THSD4: variants seen among roughly 807,000 people sequenced by gnomAD.
THSD4 encodes thrombospondin type 1 domain containing 4.
Under a neutral mutation model 119.0 loss-of-function variants are expected in THSD4, and 69 were observed. That is an observed-to-expected ratio of 0.58 (90% CI 0.48 to 0.71). The LOEUF (loss-of-function observed/expected upper bound fraction) is 0.71, where lower values mean the gene tolerates loss of function less well. Among genes scored for constraint, THSD4 ranks in the 30% least tolerant of loss-of-function variants. The pLI is 0.00. For synonymous variants in THSD4, 524 were observed against 540.4 expected, an observed-to-expected ratio of 0.97 and a Z score of 0.42; for missense variants, 1,393 against 1,391.1, an observed-to-expected ratio of 1.00 and a Z score of -0.02.
In THSD4 at chr15:71,215,024, T is replaced by C; in HGVS notation, c.100-11T>C. 8.0e-7 allele frequency: 1 copy of C among 1,257,496 alleles called. No homozygotes were observed. 77.9% of individuals were successfully genotyped at this position (1,257,496 alleles called of 1,614,324 possible). A position where few individuals can be genotyped will look rare whatever the true frequency, so the allele number is the denominator to read the frequency against. Reference sequence around the variant, plus strand: ...GTGTTCTGGTCCCCTAACCTGCCTCTGTCTCCGCAGGTCCCGCAGCGGATG... The same window carrying C: ...GTGTTCTGGTCCCCTAACCTGCCTCCGTCTCCGCAGGTCCCGCAGCGGATG... On this transcript the variant is annotated splice_polypyrimidine_tract_variant and intron_variant, in intron 3 of 17. Transcript: ENST00000261862.
chr15:71,645,721 A>G (rs961036166), intron 7 of THSD4, among the ~76,000 whole-genome samples: 2 of 152,236 alleles, frequency 1.3e-5, no homozygotes, highest in Non-Finnish European at 2.9e-5. Flanking sequence ...TTGGTGCAAC[A>G]GAAAACAAAA....
chr15:71,553,963 C>T (rs566579461), intron 7 of THSD4, among the ~76,000 whole-genome samples: 1 of 151,934 alleles, frequency 6.6e-6, no homozygotes, highest in African/African-American at 2.4e-5. Flanking sequence ...GTGTTATTGG[C>T]TCTCGGCTGT....
chr15:71,104,688 G>A (rs975224854), intron 1 of THSD4, among the ~76,000 whole-genome samples: 1 of 152,160 alleles, frequency 6.6e-6, no homozygotes, highest in African/African-American at 2.4e-5. Flanking sequence ...ATTCACACAT[G>A]GAAGGTATAC....
chr15:71,682,532 T>C (rs1372206038), intron 8 of THSD4, among the ~76,000 whole-genome samples: 1 of 151,448 alleles, frequency 6.6e-6, no homozygotes, highest in Admixed American at 6.6e-5. Flanking sequence ...AAAAACCTTA[T>C]ATAAATGGAA....
chr15:71,625,844 A>G (rs1363071560), intron 7 of THSD4, among the ~76,000 whole-genome samples: 1 of 152,194 alleles, frequency 6.6e-6, no homozygotes, highest in Non-Finnish European at 1.5e-5. Context: ...GCTAAGGTAG[A>G]GAGGGGCACA....
intron 1 of THSD4, among the ~76,000 whole-genome samples, chr15:71,123,575 G>A (rs924517698): frequency 1.3e-5 from 2 of 152,068 alleles, no homozygotes; most frequent in Non-Finnish European, 2.9e-5. Context: ...TGAGAGGCGG[G>A]GAGTAATAGT....
intron 7 of THSD4, among the ~76,000 whole-genome samples, chr15:71,438,002 G>T (rs749874422): frequency 6.6e-6 from 1 of 152,204 alleles, no homozygotes; most frequent in African/African-American, 2.4e-5. Context: ...GGGCTAGGAT[G>T]AAGTGAGTGC....
intron 4 of THSD4, among the ~76,000 whole-genome samples, chr15:71,223,206 A>G (rs1270010022): frequency 6.6e-6 from 1 of 152,170 alleles, no homozygotes; most frequent in Non-Finnish European, 1.5e-5. Flanking sequence ...CAGGGAGTAA[A>G]TATCTCCTTC....
intron 7 of THSD4, among the ~76,000 whole-genome samples, chr15:71,632,014 C>T (rs1427909629): frequency 3.3e-5 from 5 of 152,162 alleles, no homozygotes; most frequent in Admixed American, 6.5e-5. Flanking sequence ...ACTTGACCTG[C>T]CTGAGCCTCG....
At chr15:71,402,395 C>T (rs1458347864) in intron 6 of THSD4, among the ~76,000 whole-genome samples, 2 of 152,152 alleles carry the variant, frequency 1.3e-5, no homozygotes, top group African/African-American at 2.4e-5. Context: ...ATGCACTTCA[C>T]ACTGGAGCCA....
At chr15:71,688,705 CTCTGTGTG>C (rs1164552971) in intron 8 of THSD4, among the ~76,000 whole-genome samples, 15 of 86,138 alleles carry the variant, frequency 1.7e-4, no homozygotes, top group South Asian at 8.8e-4. Context: ...TGTTTTGTAT[CTCTGTGTG>C]TGTGTGTGTG....
intron 6 of THSD4, among the ~76,000 whole-genome samples, chr15:71,384,707 A>G (rs1301306551): frequency 6.6e-6 from 1 of 152,248 alleles, no homozygotes; most frequent in Non-Finnish European, 1.5e-5. Flanking sequence ...ACATTTTAAA[A>G]TGCACTTCTT....
intron 6 of THSD4, among the ~76,000 whole-genome samples, chr15:71,343,287 TTAGA>T (rs2140392953): frequency 6.6e-6 from 1 of 152,272 alleles, no homozygotes; most frequent in South Asian, 2.1e-4. Flanking sequence ...GTTAGATGAA[TTAGA>T]TAGATTAGAT....
intron 5 of THSD4, among the ~76,000 whole-genome samples, chr15:71,248,381 C>T (rs2044225559): frequency 6.6e-6 from 1 of 152,194 alleles, no homozygotes; most frequent in South Asian, 2.1e-4. Context: ...TCAACACTTT[C>T]TTTTAGGTGC....
At chr15:71,611,326 G>A (rs571065975) in intron 7 of THSD4, among the ~76,000 whole-genome samples, 15 of 152,164 alleles carry the variant, frequency 9.9e-5, no homozygotes, top group Non-Finnish European at 1.9e-4. Flanking sequence ...GTGTTTCATT[G>A]GATGTAAAAA....
intron 7 of THSD4, among the ~76,000 whole-genome samples, chr15:71,419,325 C>G (rs970318168): frequency 1.9e-5 from 2 of 105,722 alleles, no homozygotes; most frequent in Non-Finnish European, 4.1e-5. Context: ...GCTCAGCCTC[C>G]TGGGTAGCTG....
intron 3 of THSD4, among the ~76,000 whole-genome samples, chr15:71,193,289 T>G (rs1056795234): frequency 6.6e-6 from 1 of 152,118 alleles, no homozygotes; most frequent in African/African-American, 2.4e-5. Flanking sequence ...GCTTGGTGAT[T>G]GGGGTGGTGG....
At chr15:71,444,389 C>G (rs947902155) in intron 7 of THSD4, among the ~76,000 whole-genome samples, 1 of 152,208 alleles carries the variant, frequency 6.6e-6, no homozygotes, top group African/African-American at 2.4e-5. Context: ...GCCGTCTCTT[C>G]TACAGCCACT....
intron 3 of THSD4, among the ~76,000 whole-genome samples, chr15:71,168,467 T>C (rs1171446849): frequency 6.6e-6 from 1 of 152,228 alleles, no homozygotes; most frequent in East Asian, 1.9e-4. Flanking sequence ...AAAATATTTA[T>C]GTTTATTATA....
Sources: allele counts gnomAD v4.1 joint callset (sites outside exome capture counted in the v4.1 genomes callset), GRCh38; gene constraint gnomAD v4.1.1; transcripts MANE v1.5; gene names NCBI Gene and HGNC (gene_info 2026-07-23, HGNC 2026-07-21).